The following MME variants were observed in gnomAD, a reference collection of about 807,000 sequenced individuals.
The protein encoded by MME is neprilysin.
In MME, 98 loss-of-function variants were observed where a neutral mutation model predicts 113.2. The ratio of observed to expected loss-of-function variants is 0.87; its 90% CI spans 0.74 to 1.02. The LOEUF is 1.02. Ranked by LOEUF, MME falls within the 50% of genes least tolerant of loss-of-function variation. The probability of loss-of-function intolerance (pLI) is 0.00; values close to 1 mark genes in which losing one functional copy is unlikely to be tolerated. For missense variants in MME, 836 were observed against 896.0 expected, an observed-to-expected ratio of 0.93 and a Z score of 0.86; for synonymous variants, 292 against 300.6, an observed-to-expected ratio of 0.97 and a Z score of 0.30.
At chr3:155,157,989 G>A (rs939398432) in intron 16 of MME, among the ~76,000 whole-genome samples, 1 of 152,084 alleles carries the variant, frequency 6.6e-6, no homozygotes, top group Non-Finnish European at 1.5e-5. Flanking sequence ...CAGAAGAGCA[G>A]AAAAGCACTA....
intron 1 of MME, among the ~76,000 whole-genome samples, chr3:155,059,310 A>G (rs1234700403): frequency 6.6e-6 from 1 of 151,724 alleles, no homozygotes; most frequent in Non-Finnish European, 1.5e-5. Flanking sequence ...TGCACTTTAT[A>G]AGGTTAGCAT....
intron 4 of MME, 69 bp from the exon 5 acceptor site, chr3:155,116,410 G>A (rs1718607586): frequency 8.7e-7 from 1 of 1,155,752 alleles, no homozygotes; most frequent in Non-Finnish European, 1.3e-6. Context: ...TACTGCAAAT[G>A]AGCAATTATG....
intron 8 of MME, 94 bp downstream of exon 8, chr3:155,118,905 C>T (rs1019998722): frequency 1.2e-6 from 1 of 836,136 alleles, no homozygotes; most frequent in African/African-American, 1.7e-5. Context: ...TAAATTTAGC[C>T]CTCTGATGTT....
chr3:155,069,698 C>T (rs994408645), intron 1 of MME, among the ~76,000 whole-genome samples: 2 of 152,138 alleles, frequency 1.3e-5, no homozygotes, highest in African/African-American at 4.8e-5. Flanking sequence ...TAAATAGTGA[C>T]TGGAGAAATT....
chr3:155,075,052 G>A (rs1422373919), upstream of MME, among the ~76,000 whole-genome samples: 5 of 151,338 alleles, frequency 3.3e-5, no homozygotes, highest in South Asian at 2.1e-4. Context: ...TGAGAAAGGT[G>A]TATTAAAATC....
chr3:155,108,175 G>A (rs1248738261), intron 3 of MME, among the ~76,000 whole-genome samples: 1 of 152,184 alleles, frequency 6.6e-6, no homozygotes, highest in Admixed American at 6.5e-5. Flanking sequence ...ATTCAGTGTA[G>A]TAGGGACTTT....
At chr3:155,038,083 C>T (rs778079740) in intron 1 of MME, among the ~76,000 whole-genome samples, 2 of 152,120 alleles carry the variant, frequency 1.3e-5, no homozygotes, top group African/African-American at 4.8e-5. Flanking sequence ...TTTCCAAACA[C>T]GTAGTTTGCT....
intron 3 of MME, among the ~76,000 whole-genome samples, chr3:155,105,037 G>A (rs997107979): frequency 2.6e-5 from 4 of 151,940 alleles, no homozygotes; most frequent in African/African-American, 9.7e-5. Flanking sequence ...AATATGTTTC[G>A]GTTGCGAATT....
At position 155,113,729 on chromosome 3, in the gene MME, G is replaced by C. The variant is rs78392270; in HGVS notation, c.197-1265G>C. Among the ~76,000 whole-genome samples, 635 of 152,266 alleles carry C rather than the reference G, an allele frequency of 4.2e-3. 6 individuals carry two copies. The highest frequency in any genetic ancestry group is 5.8e-3 in the Admixed American group (88 of 15,290). On this transcript the variant is annotated intron_variant, in intron 3 of 22. Coordinates refer to ENST00000360490, the MANE Select transcript of MME (RefSeq NM_007289.4). ...GATGATATAAACCAGGTACCAATCAGAATGAGAGGTATGGAAGAGGGGCAA... is the reference window on the plus strand; with the variant it reads ...GATGATATAAACCAGGTACCAATCACAATGAGAGGTATGGAAGAGGGGCAA...
Position 155,084,187 on chromosome 3 carries a change from A to T in MME, c.20A>T (p.Gln7Leu). 6.2e-7 allele frequency: 1 copy of T among 1,614,140 alleles called. No individual in the cohort carries two copies. The highest frequency in any genetic ancestry group is 8.5e-7 in the Non-Finnish European group (1 of 1,179,970). Residue 7 changes from glutamine to leucine, a missense_variant, in exon 2 of 23, where the codon CAG becomes CTG. Coordinates refer to ENST00000360490, the MANE Select transcript of MME (RefSeq NM_007289.4). Reference sequence around the variant, plus strand: ...TAGGTGATGGGCAAGTCAGAAAGTCAGATGGATATAACTGATATCAACACT... The same window carrying T: ...TAGGTGATGGGCAAGTCAGAAAGTCTGATGGATATAACTGATATCAACACT... Reference protein sequence around the residue: MGKSESQMDITDINTPK... With the variant: MGKSESLMDITDINTPK...
At chr3:155,070,941 G>C (rs767107509) in intron 1 of MME, among the ~76,000 whole-genome samples, 3 of 152,180 alleles carry the variant, frequency 2.0e-5, no homozygotes, top group Non-Finnish European at 4.4e-5. Flanking sequence ...CTGCTGTGTA[G>C]TATTCAATAC....
intron 1 of MME, among the ~76,000 whole-genome samples, chr3:155,073,359 A>C (rs1429313359): frequency 6.6e-6 from 1 of 152,226 alleles, no homozygotes; most frequent in African/African-American, 2.4e-5. Context: ...AGTAAATGCC[A>C]GCTAAAACTC....
At chr3:155,140,156 A>G (rs1207443922) in intron 9 of MME, 35 bp from the exon 10 acceptor site, 14 of 1,458,242 alleles carry the variant, frequency 9.6e-6, no homozygotes, top group Admixed American at 1.7e-5. Context: ...AAGAATTCTT[A>G]ATTCTAAAAT....
Position 155,087,739 on chromosome 3 carries a change from G to A in MME, c.196+2645G>A, listed in dbSNP as rs574658493. Among the ~76,000 whole-genome samples, 13 of 151,264 alleles carry A rather than the reference G, an allele frequency of 8.6e-5. No homozygotes were observed. The East Asian group carries it at 2.3e-3, about 27-fold the overall frequency. On this transcript the variant is annotated intron_variant, in intron 3 of 22. Coordinates refer to ENST00000360490, the MANE Select transcript of MME (RefSeq NM_007289.4). ...CTTCTTTTCCTTGAATTTTATTTTC[G>A]AAGAAACTGGATTTTTTGACTAGGT...
intron 3 of MME, among the ~76,000 whole-genome samples, chr3:155,090,792 A>T (rs557954538): frequency 3.3e-5 from 5 of 152,330 alleles, no homozygotes; most frequent in African/African-American, 1.2e-4. Context: ...ATACTGATTT[A>T]ATCAGATTTG....
chr3:155,075,775 C>T (rs1258829312), upstream of MME, among the ~76,000 whole-genome samples: 1 of 152,162 alleles, frequency 6.6e-6, no homozygotes, highest in East Asian at 1.9e-4. Context: ...CCTGCCTCAG[C>T]CTCCTGAGTA....
chr3:155,063,668 A>ATATAT (rs59175839), intron 1 of MME, among the ~76,000 whole-genome samples: 42,677 of 111,174 alleles, frequency 0.38, 8,721 homozygotes, highest in South Asian at 0.42. Flanking sequence ...ATAACATATT[A>ATATAT]TATATTATAT....
intron 1 of MME, chr3:155,081,717 C>G (rs779653724): frequency 2.0e-5 from 3 of 151,104 alleles, no homozygotes; most frequent in Non-Finnish European, 4.4e-5. Context: ...GGGGTTTAGT[C>G]ATATGTTCCA....
chr3:155,144,504 A>G, intron 14 of MME, 47 bp downstream of exon 14: 2 of 1,235,200 alleles, frequency 1.6e-6, no homozygotes, highest in South Asian at 2.5e-5. Flanking sequence ...TTGCTAGTAT[A>G]GGAAAAATTA....
Sources: gnomAD v4.1 joint callset for allele counts (sites outside exome capture counted in the v4.1 genomes callset) on GRCh38, gnomAD v4.1.1 for gene constraint, MANE v1.5 for transcripts, NCBI Gene and HGNC (gene_info 2026-07-23, HGNC 2026-07-21) for gene names.